PKHD1: variants seen among roughly 807,000 people sequenced by gnomAD.
PKHD1 encodes the protein PKHD1 ciliary IPT domain containing fibrocystin/polyductin.
A neutral mutation model predicts 412.0 loss-of-function variants in PKHD1; 291 were observed. The ratio of observed to expected loss-of-function variants is 0.71; its 90% confidence interval spans 0.64 to 0.78. The LOEUF (loss-of-function observed/expected upper bound fraction) is 0.78. Ranked by LOEUF, PKHD1 falls within the 30% of genes least tolerant of loss-of-function variation. PKHD1 has a pLI of 0.00. For synonymous variants in PKHD1, 1,777 were observed against 1,821.5 expected (o/e 0.98, Z 0.62); for missense variants, 4,825 against 4,950.7 (o/e 0.97, Z 0.76).
chr6:51,851,461 C>T (rs1332327933), intron 49 of PKHD1, among the ~76,000 whole-genome samples: 1 of 152,136 alleles, frequency 6.6e-6, no homozygotes, highest in African/African-American at 2.4e-5. Flanking sequence ...GGAATAGTTT[C>T]AGAAGGAATG....
chr6:52,029,577 T>G (rs1802738992), intron 29 of PKHD1, among the ~76,000 whole-genome samples: 1 of 152,230 alleles, frequency 6.6e-6, no homozygotes, highest in Non-Finnish European at 1.5e-5. Context: ...AGAGTTGAAT[T>G]GGAGCTTGAA....
At chr6:51,632,471 G>C in intron 65 of PKHD1, 94 bp downstream of exon 65, 1 of 1,068,704 alleles carries the variant, frequency 9.4e-7, no homozygotes, top group Non-Finnish European at 1.4e-6. Flanking sequence ...ACAAAAATTT[G>C]TCTTTGGGGA....
intron 36 of PKHD1, among the ~76,000 whole-genome samples, chr6:51,937,278 A>G (rs1163542482): frequency 6.6e-6 from 1 of 152,172 alleles, no homozygotes; most frequent in African/African-American, 2.4e-5. Flanking sequence ...TGTACATCTT[A>G]TATGTATTGA....
chr6:51,717,412 C>CA lies in PKHD1; in HGVS notation c.10156+26972dup, dbSNP rs60675116. Among the ~76,000 whole-genome samples the CA allele has an allele frequency of 2.6e-3, 319 of 123,188 alleles. 1 individual carries two copies. Among genetic ancestry groups the CA allele is most frequent in the African/African-American group, 5.0e-3 (176 of 35,174 alleles). 80.8% of individuals were successfully genotyped at this position (123,188 alleles called of 152,430 possible). On this transcript the variant is annotated intron_variant, in intron 60 of 66. Coordinates refer to ENST00000371117, the MANE Select transcript of PKHD1 (RefSeq NM_138694.4). ...GGGGGTCGAGAGCAAAACTCTGTCT[C>CA]AAAAAAAAAAAAAATGGACTGCATA...
chr6:51,687,947 G>C (rs1172158690), intron 60 of PKHD1, among the ~76,000 whole-genome samples: 1 of 152,172 alleles, frequency 6.6e-6, no homozygotes, highest in Non-Finnish European at 1.5e-5. Context: ...ATTGCCTTGA[G>C]ATCCATCCAC....
intron 45 of PKHD1, among the ~76,000 whole-genome samples, chr6:51,884,143 AATTT>A (rs1341037093): frequency 5.9e-5 from 9 of 152,192 alleles, no homozygotes; most frequent in African/African-American, 2.2e-4. Flanking sequence ...ATTTTTTGCT[AATTT>A]TATTTATTAT....
chr6:51,981,962 G>A, intron 35 of PKHD1, among the ~76,000 whole-genome samples: 1 of 79,838 alleles, frequency 1.3e-5, no homozygotes, highest in South Asian at 4.6e-4. Context: ...GAGCACCTCT[G>A]CCCCGCCGCC....
chr6:52,015,271 T>C (rs987346117), intron 34 of PKHD1, among the ~76,000 whole-genome samples: 5 of 152,216 alleles, frequency 3.3e-5, no homozygotes, highest in Non-Finnish European at 7.3e-5. Context: ...TTTTGATACC[T>C]GAAACTTCAA....
chr6:51,969,294 C>T (rs1793304398), intron 35 of PKHD1, among the ~76,000 whole-genome samples: 1 of 152,186 alleles, frequency 6.6e-6, no homozygotes, highest in African/African-American at 2.4e-5. Context: ...CCTGAATGAA[C>T]TTGGAGGTAG....
chr6:51,975,584 C>T (rs1263800403), intron 35 of PKHD1: 1 of 139,572 alleles, frequency 7.2e-6, no homozygotes, highest in African/African-American at 2.6e-5. Flanking sequence ...ACCTCAAAAC[C>T]ACAAGATAAT....
intron 51 of PKHD1, among the ~76,000 whole-genome samples, chr6:51,835,078 C>G (rs909183574): frequency 2.0e-4 from 31 of 152,318 alleles, no homozygotes; most frequent in African/African-American, 7.5e-4. Context: ...CTTTCTATTT[C>G]TCAGCAGTTG....
At chr6:51,708,172 G>A (rs1334829325) in intron 60 of PKHD1, among the ~76,000 whole-genome samples, 1 of 152,152 alleles carries the variant, frequency 6.6e-6, no homozygotes, top group South Asian at 2.1e-4. Context: ...CCAGTACATG[G>A]CACCACCAGC....
rs151009348 is a variant in PKHD1 at position 51,649,353 on chromosome 6, G to A, written c.11175-133C>T. On this transcript the variant is annotated intron_variant, in intron 61 of 66. Transcript: ENST00000371117. ...GTGTTTCTAGAAAATAATACATTGT[G>A]TAGTGAACATGGCTTTATAGCAAAG... 6.8e-4 allele frequency: 485 copies of A among 709,004 alleles called. 5 individuals are homozygous for A. The East Asian group carries it at 0.011, about 16-fold the overall frequency. 43.9% of individuals were successfully genotyped at this position (709,004 alleles called of 1,614,324 possible). A position where few individuals can be genotyped will look rare whatever the true frequency, so the allele number is the denominator to read the frequency against.
intron 35 of PKHD1, among the ~76,000 whole-genome samples, chr6:51,981,801 T>C (rs367701362): frequency 7.5e-6 from 1 of 133,394 alleles, no homozygotes; most frequent in South Asian, 2.5e-4. Context: ...ATGAGGAGCC[T>C]CTCTGCCTGG....
At position 51,659,030 on chromosome 6, in the gene PKHD1, G is replaced by GTCA; in HGVS notation, c.11095_11096insTGA (p.Gln3698_Thr3699insMet). 6.2e-7 allele frequency: 1 copy of GTCA among 1,612,782 alleles called. No homozygotes were observed. The highest frequency in any genetic ancestry group is 1.1e-5 in the South Asian group (1 of 91,050). ...ATTCAGAACATTCTCTAGTACCCCA[G>GTCA]TCTGTTGAGCAGTGATGACTCGATG... On this transcript the variant is annotated inframe_insertion, in exon 61 of 67. Transcript: ENST00000371117.
intron 36 of PKHD1, among the ~76,000 whole-genome samples, chr6:51,955,359 T>A (rs1051523058): frequency 6.6e-6 from 1 of 151,982 alleles, no homozygotes; most frequent in Non-Finnish European, 1.5e-5. Context: ...AAGTTGGGAG[T>A]CAGTACATAT....
rs532929472 is a variant in PKHD1 at position 51,669,250 on chromosome 6, C to G, written c.10157-9281G>C. Among the ~76,000 whole-genome samples, 5 of 152,292 alleles carry G rather than the reference C, an allele frequency of 3.3e-5. No individual in the cohort carries two copies. In the South Asian group the frequency reaches 1.0e-3, roughly 32 times the overall value. On this transcript the variant is annotated intron_variant, in intron 60 of 66. Transcript: ENST00000371117. ...CCTGTTATTGGTCTATTCAGAGATT[C>G]AACTTCTTCCTGGTATAGTCTTGGG... is the stretch of plus-strand genomic sequence containing the variant.
chr6:51,988,668 TAGAG>T (rs1193005998), intron 35 of PKHD1, among the ~76,000 whole-genome samples: 1 of 152,188 alleles, frequency 6.6e-6, no homozygotes, highest in Non-Finnish European at 1.5e-5. Context: ...CTTTCATACT[TAGAG>T]AGGGCTTTAC....
At chr6:51,798,496 G>C (rs1461931228) in intron 52 of PKHD1, among the ~76,000 whole-genome samples, 1 of 152,192 alleles carries the variant, frequency 6.6e-6, no homozygotes, top group Non-Finnish European at 1.5e-5. Flanking sequence ...GAGGTCTGCT[G>C]TTTGTCTGAT....
Sources: gnomAD v4.1 joint callset for allele counts (sites outside exome capture counted in the v4.1 genomes callset) on GRCh38, gnomAD v4.1.1 for gene constraint, MANE v1.5 for transcripts, NCBI Gene and HGNC (gene_info 2026-07-23, HGNC 2026-07-21) for gene names.